Variants in TCF7L2 observed in about 807,000 individuals in gnomAD.
TCF7L2 encodes the protein transcription factor 7 like 2.
TCF7L2 carries 23 observed loss-of-function variants against 77.9 expected under a neutral mutation model. The observed-to-expected ratio is 0.30, with a 90% confidence interval of 0.21 to 0.42. TCF7L2 has a LOEUF of 0.42. TCF7L2 is among the 10% of genes least tolerant of loss of function. The probability of loss-of-function intolerance (pLI) is 1.00; values close to 1 mark genes in which losing one functional copy is unlikely to be tolerated. For synonymous variants in TCF7L2, 413 were observed against 340.2 expected, an observed-to-expected ratio of 1.21 and a Z score of -2.36; for missense variants, 654 against 793.1, an observed-to-expected ratio of 0.82 and a Z score of 2.11.
At chr10:113,056,914 T>A (rs1322043717) in intron 5 of TCF7L2, among the ~76,000 whole-genome samples, 2 of 152,144 alleles carry the variant, frequency 1.3e-5, no homozygotes, top group African/African-American at 4.8e-5. Flanking sequence ...TACAGAGCGG[T>A]CTCATCCAAA....
At chr10:112,964,721 A>ATGG in intron 4 of TCF7L2, 97 bp downstream of exon 4, 1 of 808,034 alleles carries the variant, frequency 1.2e-6, no homozygotes, top group Admixed American at 2.3e-5. Flanking sequence ...GATAATGATG[A>ATGG]TGATGATGAT....
At chr10:113,042,343 C>G (rs1330871263) in intron 5 of TCF7L2, among the ~76,000 whole-genome samples, 3 of 152,188 alleles carry the variant, frequency 2.0e-5, no homozygotes, top group Non-Finnish European at 4.4e-5. Flanking sequence ...AAAGCAGCCA[C>G]AGCTGGCAAC....
intron 3 of TCF7L2, among the ~76,000 whole-genome samples, chr10:112,963,044 T>C (rs1564716175): frequency 6.6e-6 from 1 of 152,188 alleles, no homozygotes; most frequent in Non-Finnish European, 1.5e-5. Flanking sequence ...TTGTGTCTCC[T>C]TTTAATTTTG....
intron 3 of TCF7L2, among the ~76,000 whole-genome samples, chr10:112,955,549 G>T (rs142524749): frequency 1.3e-5 from 2 of 152,196 alleles, no homozygotes; most frequent in Non-Finnish European, 2.9e-5. Flanking sequence ...TCTGGAAGAC[G>T]TGTTTTTGGA....
rs868176511 is a variant in TCF7L2, at chr10:112,981,912, A to G, written c.450+17288A>G. On this transcript the variant is annotated intron_variant, in intron 4 of 13. Coordinates refer to ENST00000627217, the MANE Select transcript of TCF7L2 (RefSeq NM_001146274.2). ...AAGTCTCAGGCAAGGCAGCCCCAGC[A>G]TGCCAGCCCCCAGGAATATTGAGAC... Among the ~76,000 whole-genome samples, 12 of 152,332 alleles carry G rather than the reference A, an allele frequency of 7.9e-5. No individual in the cohort carries two copies. The Middle Eastern group carries it at 0.027, about 345-fold the overall frequency.
At chr10:113,160,203 G>T (rs1051744519) in intron 12 of TCF7L2, among the ~76,000 whole-genome samples, 4 of 151,820 alleles carry the variant, frequency 2.6e-5, no homozygotes, top group African/African-American at 7.3e-5. Context: ...AGCATCACTC[G>T]TGCCTCCTCG....
intron 4 of TCF7L2, among the ~76,000 whole-genome samples, chr10:113,034,114 A>G (rs537704400): frequency 3.2e-4 from 48 of 152,242 alleles, no homozygotes; most frequent in African/African-American, 1.1e-3. Flanking sequence ...AGGTTTAGAA[A>G]GAGACAATCA....
chr10:113,039,519 C>G (rs1372325750), intron 4 of TCF7L2, among the ~76,000 whole-genome samples: 1 of 152,100 alleles, frequency 6.6e-6, no homozygotes, highest in African/African-American at 2.4e-5. Flanking sequence ...CTTTTGCTAC[C>G]TAAAGGACAG....
chr10:113,101,455 A>G (rs1321042818), intron 5 of TCF7L2, among the ~76,000 whole-genome samples: 1 of 151,834 alleles, frequency 6.6e-6, no homozygotes, highest in East Asian at 1.9e-4. Context: ...AGGCAAGAGA[A>G]TTTCTTGAGT....
At chr10:113,058,637 C>T (rs1012756389) in intron 5 of TCF7L2, among the ~76,000 whole-genome samples, 2 of 151,890 alleles carry the variant, frequency 1.3e-5, no homozygotes, top group Admixed American at 6.6e-5. Flanking sequence ...GGGGTTGGAT[C>T]CATGTGGCTT....
chr10:113,036,093 C>T (rs572883796), intron 4 of TCF7L2, among the ~76,000 whole-genome samples: 7 of 147,482 alleles, frequency 4.7e-5, no homozygotes, highest in Admixed American at 2.8e-4. Flanking sequence ...GCAACTTTGT[C>T]GCCATATCAT....
intron 4 of TCF7L2, among the ~76,000 whole-genome samples, chr10:112,966,189 T>C (rs2036812626): frequency 1.3e-5 from 1 of 76,264 alleles, no homozygotes; most frequent in Non-Finnish European, 2.9e-5. Context: ...TATATTTATA[T>C]ATATATATAT....
intron 11 of TCF7L2, among the ~76,000 whole-genome samples, chr10:113,154,285 A>G (rs1344198119): frequency 6.6e-6 from 1 of 152,178 alleles, no homozygotes; most frequent in African/African-American, 2.4e-5. Context: ...GTACACAACC[A>G]TATCATTTCA....
intron 4 of TCF7L2, among the ~76,000 whole-genome samples, chr10:113,037,211 C>T (rs763206357): frequency 6.6e-6 from 1 of 152,170 alleles, no homozygotes; most frequent in African/African-American, 2.4e-5. Context: ...TGACATAATA[C>T]TTATTTCCCC....
intron 3 of TCF7L2, among the ~76,000 whole-genome samples, chr10:112,961,399 A>G (rs1379924155): frequency 1.3e-5 from 2 of 152,174 alleles, no homozygotes; most frequent in African/African-American, 4.8e-5. Flanking sequence ...ATTCCAAAGC[A>G]CACAAATGGC....
intron 3 of TCF7L2, among the ~76,000 whole-genome samples, chr10:112,959,691 A>G (rs2034564400): frequency 6.6e-6 from 1 of 152,110 alleles, no homozygotes; most frequent in South Asian, 2.1e-4. Flanking sequence ...GGTACTTTTT[A>G]TAAGGGCAGG....
intron 3 of TCF7L2, among the ~76,000 whole-genome samples, chr10:112,953,680 G>C (rs2032683086): frequency 6.6e-6 from 1 of 152,200 alleles, no homozygotes; most frequent in Non-Finnish European, 1.5e-5. Flanking sequence ...AACTTGAGCA[G>C]TTGTGTTGTC....
intron 5 of TCF7L2, among the ~76,000 whole-genome samples, chr10:113,067,497 A>G (rs1270836322): frequency 6.6e-6 from 1 of 152,234 alleles, no homozygotes; most frequent in Non-Finnish European, 1.5e-5. Flanking sequence ...ATATTCAGCC[A>G]TAATTTTCCC....
intron 4 of TCF7L2, among the ~76,000 whole-genome samples, chr10:112,989,375 GAAAA>G: frequency 6.8e-6 from 1 of 147,302 alleles, no homozygotes; most frequent in African/African-American, 2.5e-5. Context: ...AAAAAAAAAA[GAAAA>G]AAAGCCAAAA....
Sources: allele counts gnomAD v4.1 joint callset (sites outside exome capture counted in the v4.1 genomes callset), GRCh38; gene constraint gnomAD v4.1.1; transcripts MANE v1.5; gene names NCBI Gene and HGNC (gene_info 2026-07-23, HGNC 2026-07-21).